The following TOM1L2 variants were observed in gnomAD, a reference collection of about 807,000 sequenced individuals.
The protein encoded by TOM1L2 is TOM1-like protein 2.
Under a neutral mutation model 67.9 loss-of-function variants are expected in TOM1L2, and 31 were observed. The ratio of observed to expected loss-of-function variants is 0.46; its 90% CI spans 0.34 to 0.62. TOM1L2 has a LOEUF of 0.62. Among genes scored for constraint, TOM1L2 ranks in the 20% least tolerant of loss-of-function variants. The pLI is 0.01. For missense variants in TOM1L2, 606 were observed against 663.5 expected, an observed-to-expected ratio of 0.91 and a Z score of 0.95; for synonymous variants, 256 against 254.0, an observed-to-expected ratio of 1.01 and a Z score of -0.07.
intron 4 of TOM1L2, among the ~76,000 whole-genome samples, chr17:17,890,864 TA>T (rs71355556): frequency 2.0e-5 from 3 of 152,056 alleles, no homozygotes; most frequent in Non-Finnish European, 4.4e-5. Flanking sequence ...ATTAAAAGTT[TA>T]AAAAAAAGAA....
At chr17:17,927,325 G>A (rs1394942452) in intron 1 of TOM1L2, among the ~76,000 whole-genome samples, 1 of 152,240 alleles carries the variant, frequency 6.6e-6, no homozygotes, top group Non-Finnish European at 1.5e-5. Flanking sequence ...GTAACGGGCA[G>A]AGAGAACCTA....
At chr17:17,898,212 C>T (rs1315303449) in intron 3 of TOM1L2, among the ~76,000 whole-genome samples, 2 of 152,062 alleles carry the variant, frequency 1.3e-5, no homozygotes, top group African/African-American at 4.8e-5. Flanking sequence ...GTGTGAGTCA[C>T]CGCGCCTGGC....
At chr17:17,942,777 G>A (rs548886160) in intron 1 of TOM1L2, among the ~76,000 whole-genome samples, 3 of 152,280 alleles carry the variant, frequency 2.0e-5, no homozygotes, top group African/African-American at 7.2e-5. Flanking sequence ...ACGGTAGTTA[G>A]TATAGAAAAG....
At chr17:17,848,753 G>A (rs768728978) in intron 14 of TOM1L2, 70 bp downstream of exon 14, 55 of 1,554,180 alleles carry the variant, frequency 3.5e-5, no homozygotes, top group Non-Finnish European at 4.5e-5. Context: ...CAAGATGATG[G>A]GGGCTGGCTC....
chr17:17,847,644 GAA>G lies in TOM1L2; in HGVS notation c.1513_1514del (p.Phe505ArgfsTer104). 1 of 1,611,226 alleles carries G rather than the reference GAA, an allele frequency of 6.2e-7. No individual in the cohort carries two copies. The highest frequency in any genetic ancestry group is 8.5e-7 in the Non-Finnish European group (1 of 1,178,492). ...KKPERSEDAL[F>X]AL ...CAAACCACAGAGCTGCTCACAGGGC[GAA>G]GAGGGCATCCTCTGACCGCTCTGGC... is the stretch of plus-strand genomic sequence containing the variant. On this transcript the variant is annotated frameshift_variant, in exon 15 of 15. Transcript: ENST00000379504. LOFTEE classifies it high-confidence loss of function.
Position 17,866,902 on chromosome 17 carries a change from G to C in TOM1L2, c.934C>G (p.Arg312Gly). ...YERFERYRSGRSVQNASNGVL... is the reference protein window; with the variant it reads ...YERFERYRSGGSVQNASNGVL... Reference sequence around the variant, plus strand: ...CCATTACTGGCATTTTGAACGGATCGGCCAGACCTGTATCGTTCGAACCTA... The same window carrying C: ...CCATTACTGGCATTTTGAACGGATCCGCCAGACCTGTATCGTTCGAACCTA... The change falls in exon 9 of 15, where the codon CGA becomes GGA. Residue 312 changes from arginine to glycine, a missense_variant. Arg to Gly is a moderately radical substitution (Grantham distance 125). Around this residue, in one of 2 missense-constraint regions of TOM1L2, gnomAD observed 543 missense variants for 554.0 expected, o/e 0.98. Coordinates refer to ENST00000379504, the MANE Select transcript of TOM1L2 (RefSeq NM_001082968.2). The C allele has an allele frequency of 6.2e-7, 1 of 1,614,044 alleles. No individual in the cohort carries two copies. The highest frequency in any genetic ancestry group is 8.5e-7 in the Non-Finnish European group (1 of 1,179,952).
chr17:17,916,263 CG>C (rs1568266690), intron 1 of TOM1L2, among the ~76,000 whole-genome samples: 1 of 151,888 alleles, frequency 6.6e-6, no homozygotes, highest in Non-Finnish European at 1.5e-5. Flanking sequence ...TTAGTAGAGA[CG>C]GGGTTTCACT....
chr17:17,916,097 G>A (rs920523693), intron 1 of TOM1L2, among the ~76,000 whole-genome samples: 6 of 134,340 alleles, frequency 4.5e-5, no homozygotes, highest in African/African-American at 1.4e-4. Flanking sequence ...TTTTTGAGAT[G>A]GAGTCTTGCG....
chr17:17,872,673 G>A (rs1321445048), intron 7 of TOM1L2, among the ~76,000 whole-genome samples: 1 of 152,226 alleles, frequency 6.6e-6, no homozygotes, highest in African/African-American at 2.4e-5. Flanking sequence ...CATGAGGACC[G>A]AGCCAGGCAC....
intron 2 of TOM1L2, among the ~76,000 whole-genome samples, chr17:17,905,464 C>T (rs1412849282): frequency 1.3e-5 from 2 of 152,246 alleles, no homozygotes; most frequent in Non-Finnish European, 2.9e-5. Flanking sequence ...CCATCTAACA[C>T]ATTCAGAATC....
chr17:17,849,828 G>A (rs571712650), intron 13 of TOM1L2, among the ~76,000 whole-genome samples: 5 of 152,362 alleles, frequency 3.3e-5, no homozygotes, highest in African/African-American at 1.2e-4. Flanking sequence ...TTCTGTGAGA[G>A]AAGCAATTTC....
chr17:17,950,131 G>A (rs1944025114), intron 1 of TOM1L2, among the ~76,000 whole-genome samples: 1 of 151,662 alleles, frequency 6.6e-6, no homozygotes, highest in South Asian at 2.1e-4. Context: ...AAAGTGCTGG[G>A]ATTACAGGTG....
chr17:17,884,745 G>C lies in TOM1L2; in HGVS notation c.390C>G (p.Ser130Arg). Residue 130 changes from serine (S) to arginine (R), a missense_variant, in exon 5 of 15, where the codon AGC becomes AGG. By Grantham distance (110) the Ser-to-Arg change is moderately radical. This residue lies in a region of TOM1L2 where 543 missense variants were observed against 554.0 expected (regional missense o/e 0.98). Transcript: ENST00000379504. ...LIQAWADAFR[S>R]SPDLTGVVHI... The stretch of plus-strand genomic sequence containing the variant: ...GCACAACGCCGGTGAGATCAGGACT[G>C]CTTCGAAAGGCATCAGCCCATGCCT... 3 of 1,613,638 alleles carry C rather than the reference G, an allele frequency of 1.9e-6. No individual in the cohort carries two copies. Among genetic ancestry groups the C allele is most frequent in the Non-Finnish European group, 2.5e-6 (3 of 1,180,014 alleles).
At chr17:17,870,398 C>A (rs1232891029) in intron 7 of TOM1L2, among the ~76,000 whole-genome samples, 1 of 152,214 alleles carries the variant, frequency 6.6e-6, no homozygotes. Flanking sequence ...CCCTTGCCAT[C>A]TCGATGCCAG....
chr17:17,864,432 G>C lies in TOM1L2; in HGVS notation c.1085-1584C>G, dbSNP rs1165568450. ...TCACCGTGCTAGCCAGGATGGTCTC[G>C]ATCTCCTGACCTTGTGATCCACCCG... On this transcript the variant is annotated intron_variant, in intron 10 of 14. Coordinates refer to ENST00000379504, the MANE Select transcript of TOM1L2 (RefSeq NM_001082968.2). Among the ~76,000 whole-genome samples the C allele has an allele frequency of 4.7e-5, 7 of 150,522 alleles. No individual in the cohort carries two copies. The South Asian group carries it at 1.5e-3, about 32-fold the overall frequency.
At chr17:17,879,037 G>A (rs1476019435) in intron 7 of TOM1L2, among the ~76,000 whole-genome samples, 1 of 152,328 alleles carries the variant, frequency 6.6e-6, no homozygotes, top group African/African-American at 2.4e-5. Flanking sequence ...CCAGAGGCGG[G>A]GAGGCCAGTT....
intron 12 of TOM1L2, among the ~76,000 whole-genome samples, chr17:17,852,864 TAAAAAAAAA>T (rs552138706): frequency 3.2e-4 from 12 of 37,728 alleles, no homozygotes; most frequent in African/African-American, 1.1e-3. Context: ...AAACTCTGTC[TAAAAAAAAA>T]AAAAAAAAAA....
intron 14 of TOM1L2, among the ~76,000 whole-genome samples, chr17:17,848,013 C>T (rs2035744692): frequency 1.3e-5 from 2 of 151,970 alleles, no homozygotes; most frequent in Admixed American, 6.5e-5. Context: ...CCAGAGTGCT[C>T]ACCCTACCGC....
intron 1 of TOM1L2, among the ~76,000 whole-genome samples, chr17:17,940,294 G>A (rs1196365661): frequency 1.3e-5 from 2 of 151,916 alleles, no homozygotes; most frequent in Non-Finnish European, 2.9e-5. Context: ...GATAAGAGTG[G>A]CTGGCATATA....
Sources: gnomAD v4.1 joint callset for allele counts (sites outside exome capture counted in the v4.1 genomes callset) on GRCh38, gnomAD v4.1.1 for gene constraint, gnomAD v4.1.1 regional missense constraint, MANE v1.5 for transcripts, NCBI Gene and HGNC (gene_info 2026-07-23, HGNC 2026-07-21) for gene names.